Variants in PRMT3 observed in about 807,000 individuals in gnomAD.
PRMT3 encodes protein arginine N-methyltransferase 3.
In PRMT3, 62 loss-of-function variants were observed where a neutral mutation model predicts 71.9. The ratio of observed to expected loss-of-function variants is 0.86; its 90% CI spans 0.70 to 1.07. The LOEUF is 1.07. Ranked by LOEUF, PRMT3 falls within the 50% of genes least tolerant of loss-of-function variation. The probability of loss-of-function intolerance (pLI) is 0.00; values close to 1 mark genes in which losing one functional copy is unlikely to be tolerated. For missense variants in PRMT3, 663 were observed against 643.0 expected (o/e 1.03, Z -0.34); for synonymous variants, 213 against 220.4 (o/e 0.97, Z 0.30).
At chr11:20,405,449 T>G (rs1849048871) in intron 8 of PRMT3, 1 of 152,180 alleles carries the variant, frequency 6.6e-6, no homozygotes, top group East Asian at 1.9e-4. Context: ...AAGCTAGATG[T>G]GATAAATAAC....
intron 6 of PRMT3, among the ~76,000 whole-genome samples, 193 bp downstream of exon 6, chr11:20,396,155 T>A (rs576856622): frequency 6.6e-6 from 1 of 152,364 alleles, no homozygotes; most frequent in Non-Finnish European, 1.5e-5. Flanking sequence ...TCTTATAGTT[T>A]TACCTATTCT....
At chr11:20,483,018 CA>C (rs199879168) in intron 13 of PRMT3, among the ~76,000 whole-genome samples, 5 of 149,786 alleles carry the variant, frequency 3.3e-5, no homozygotes, top group Admixed American at 6.7e-5. Flanking sequence ...TTCAAAAGAG[CA>C]AAAAAAAACT....
chr11:20,429,635 A>C (rs939663633), intron 10 of PRMT3, among the ~76,000 whole-genome samples: 2 of 152,162 alleles, frequency 1.3e-5, no homozygotes, highest in South Asian at 4.1e-4. Context: ...ATAACTAAGA[A>C]CTTTTCTTCT....
At chr11:20,490,971 CTT>C (rs1851192220) in intron 13 of PRMT3, among the ~76,000 whole-genome samples, 1 of 152,046 alleles carries the variant, frequency 6.6e-6, no homozygotes, top group Non-Finnish European at 1.5e-5. Flanking sequence ...CCATCAGTGT[CTT>C]TTTCTTTTCC....
intron 2 of PRMT3, 106 bp downstream of exon 2, chr11:20,388,260 T>C: frequency 6.6e-7 from 1 of 1,506,730 alleles, no homozygotes; most frequent in East Asian, 2.3e-5. Flanking sequence ...GTGGCCTGTC[T>C]TTGAATTCTG....
At chr11:20,470,414 G>A (rs1472818207) in intron 13 of PRMT3, among the ~76,000 whole-genome samples, 1 of 152,062 alleles carries the variant, frequency 6.6e-6, no homozygotes, top group Non-Finnish European at 1.5e-5. Context: ...GCCCCAGCAT[G>A]TGTTGTTGCC....
At chr11:20,503,190 G>C (rs537827856) in intron 15 of PRMT3, among the ~76,000 whole-genome samples, 1 of 151,632 alleles carries the variant, frequency 6.6e-6, no homozygotes, top group Admixed American at 6.6e-5. Context: ...TCAACCTTTT[G>C]CTTTTGGTGT....
chr11:20,494,278 A>T, intron 15 of PRMT3, 24 bp downstream of exon 15: 4 of 1,490,152 alleles, frequency 2.7e-6, no homozygotes, highest in Non-Finnish European at 2.8e-6. Context: ...GTAGGGGGGA[A>T]GTATCTTATT....
chr11:20,423,217 T>A (rs1362667824), intron 9 of PRMT3, among the ~76,000 whole-genome samples: 1 of 152,222 alleles, frequency 6.6e-6, no homozygotes, highest in Non-Finnish European at 1.5e-5. Flanking sequence ...CCAGTTTTCT[T>A]CTTCTTGAAC....
chr11:20,500,744 G>A (rs7395007), intron 15 of PRMT3, among the ~76,000 whole-genome samples: 129,052 of 152,182 alleles, frequency 0.85, 55,880 homozygotes, highest in Non-Finnish European at 0.95. Flanking sequence ...TGGATCATAG[G>A]TACAAATCTA....
At chr11:20,502,685 T>C (rs1851486143) in intron 15 of PRMT3, among the ~76,000 whole-genome samples, 2 of 152,194 alleles carry the variant, frequency 1.3e-5, no homozygotes, top group South Asian at 4.1e-4. Flanking sequence ...GGAACATTTC[T>C]ATTTTGACTT....
At chr11:20,455,912 G>A (rs1262391088) in intron 11 of PRMT3, among the ~76,000 whole-genome samples, 2 of 151,316 alleles carry the variant, frequency 1.3e-5, no homozygotes, top group Non-Finnish European at 3.0e-5. Flanking sequence ...GATAATCAAA[G>A]ATTAAATGCA....
rs1848626144 is a variant in PRMT3, at chr11:20,387,765, GGC to G, written c.22_23del (p.Ala8TyrfsTer10). MCSLASGATGGRGAVEN... is the reference protein window; with the variant it reads MCSLASXATGGRGAVEN... Reference sequence around the variant, plus strand: ...CACAGCCATGTGCTCGTTAGCGTCAGGCGCTACCGGTGGGTACCCTGGCCCCT... The same window carrying G: ...CACAGCCATGTGCTCGTTAGCGTCAGGCTACCGGTGGGTACCCTGGCCCCT... On this transcript the variant is annotated frameshift_variant, in exon 1 of 16. Transcript: ENST00000331079. LOFTEE classifies it high-confidence loss of function. This position sits in a 1 kb window ranked among gnomAD's most constrained non-coding sequence, Gnocchi z 4.3. The G allele has an allele frequency of 6.5e-7, 1 of 1,542,046 alleles. No homozygotes were observed. The highest frequency in any genetic ancestry group is 2.4e-5 in the East Asian group (1 of 40,862).
At chr11:20,503,352 GCAC>G (rs781493652) in intron 15 of PRMT3, among the ~76,000 whole-genome samples, 19 of 151,884 alleles carry the variant, frequency 1.3e-4, no homozygotes, top group East Asian at 1.2e-3. Flanking sequence ...TTATTCCTAG[GCAC>G]CACATTTTTA....
intron 10 of PRMT3, among the ~76,000 whole-genome samples, chr11:20,444,649 G>A (rs1283741974): frequency 6.6e-6 from 1 of 152,072 alleles, no homozygotes; most frequent in Admixed American, 6.6e-5. Flanking sequence ...AATTTGTTCA[G>A]ACTTGCTTTA....
chr11:20,470,251 CT>C (rs1344924054), intron 13 of PRMT3, among the ~76,000 whole-genome samples: 2 of 151,990 alleles, frequency 1.3e-5, no homozygotes, highest in African/African-American at 4.8e-5. Context: ...TTTTCTTCAC[CT>C]TTTCAGTTCT....
At chr11:20,502,347 T>C (rs765097628) in intron 15 of PRMT3, among the ~76,000 whole-genome samples, 9 of 152,248 alleles carry the variant, frequency 5.9e-5, no homozygotes, top group Non-Finnish European at 1.3e-4. Context: ...TTTATTACTG[T>C]GACCCTTCAT....
At chr11:20,502,154 C>A (rs774403241) in intron 15 of PRMT3, among the ~76,000 whole-genome samples, 84 of 152,286 alleles carry the variant, frequency 5.5e-4, no homozygotes, top group African/African-American at 1.9e-3. Context: ...CAAGTCCATG[C>A]GGCTCAGCTC....
chr11:20,502,125 G>A lies in PRMT3; in HGVS notation c.1487-6179G>A, dbSNP rs79212494. ...ACTGCTTTGTGATATACTAACAGCC[G>A]TCTGCTGATGATAAAAAACAAGTCC... is the stretch of plus-strand genomic sequence containing the variant. On this transcript the variant is annotated intron_variant, in intron 15 of 15. Transcript: ENST00000331079. Among the ~76,000 whole-genome samples, 33 of 152,286 alleles carry A rather than the reference G, an allele frequency of 2.2e-4. No individual in the cohort carries two copies. In the East Asian group the frequency reaches 5.4e-3, roughly 25 times the overall value.
Sources: allele counts gnomAD v4.1 joint callset (sites outside exome capture counted in the v4.1 genomes callset), GRCh38; gene constraint gnomAD v4.1.1; non-coding constraint Gnocchi (gnomAD v3.1); transcripts MANE v1.5; gene names NCBI Gene and HGNC (gene_info 2026-07-23, HGNC 2026-07-21).